The following HERC3 variants were observed in gnomAD, a reference collection of about 807,000 sequenced individuals.
HERC3 encodes the protein HECT and RLD domain containing E3 ubiquitin protein ligase 3.
A neutral mutation model predicts 129.9 loss-of-function variants in HERC3; 58 were observed. The observed-to-expected ratio is 0.45, with a 90% CI of 0.36 to 0.56. The LOEUF (loss-of-function observed/expected upper bound fraction) is 0.56. HERC3 is among the 20% of genes least tolerant of loss of function. HERC3 has a pLI of 0.00. For missense variants in HERC3, 835 were observed against 1,244.2 expected (o/e 0.67, Z 4.95); for synonymous variants, 430 against 451.0 (o/e 0.95, Z 0.59).
the HERC3 span, among the ~76,000 whole-genome samples, chr4:88,547,764 A>G: frequency 3.3e-5 from 5 of 152,106 alleles, no homozygotes; most frequent in Non-Finnish European, 7.4e-5. Flanking sequence ...CAAGCCATTC[A>G]TGTGCCTCAG....
intron 3 of HERC3, among the ~76,000 whole-genome samples, chr4:88,630,425 C>T (rs1038067745): frequency 3.3e-5 from 5 of 152,158 alleles, no homozygotes; most frequent in Admixed American, 3.3e-4. Flanking sequence ...ATTTTATAGT[C>T]AACAAGTGTT....
At chr4:88,639,309 G>C (rs1727807395) in intron 3 of HERC3, among the ~76,000 whole-genome samples, 1 of 152,126 alleles carries the variant, frequency 6.6e-6, no homozygotes. Context: ...AAAGAACAAA[G>C]CTGGAAGCAT....
the HERC3 span, among the ~76,000 whole-genome samples, chr4:88,531,855 T>C: frequency 6.6e-6 from 1 of 152,192 alleles, no homozygotes; most frequent in Non-Finnish European, 1.5e-5. Context: ...CAGTGTCTTC[T>C]TAGCACAGGG....
intron 2 of HERC3, among the ~76,000 whole-genome samples, chr4:88,605,095 G>A (rs28657836): frequency 6.6e-6 from 1 of 152,148 alleles, no homozygotes; most frequent in East Asian, 1.9e-4. Flanking sequence ...ATTAAAATCT[G>A]TTTGGGGAGT....
chr4:88,582,810 C>T, the HERC3 span, among the ~76,000 whole-genome samples: 4 of 152,194 alleles, frequency 2.6e-5, no homozygotes, highest in Non-Finnish European at 4.4e-5. Context: ...GAAACTTTGT[C>T]CCAGGCTACT....
At chr4:88,695,655 CTT>C (rs1032123394) in intron 23 of HERC3, among the ~76,000 whole-genome samples, 4 of 152,144 alleles carry the variant, frequency 2.6e-5, no homozygotes, top group Non-Finnish European at 4.4e-5. Flanking sequence ...CAATCACTGT[CTT>C]TATCTTTCAT....
chr4:88,705,295 A>T (rs1735686680), intron 25 of HERC3, among the ~76,000 whole-genome samples: 1 of 152,264 alleles, frequency 6.6e-6, no homozygotes, highest in Admixed American at 6.5e-5. Context: ...ATTACAAAGT[A>T]TCCAGATGGA....
At chr4:88,682,800 T>C (rs1560759297) in intron 21 of HERC3, among the ~76,000 whole-genome samples, 1 of 152,112 alleles carries the variant, frequency 6.6e-6, no homozygotes, top group Non-Finnish European at 1.5e-5. Flanking sequence ...CATGTGTCTT[T>C]ATAGCAGCAT....
the HERC3 span, among the ~76,000 whole-genome samples, chr4:88,550,042 G>A: frequency 2.0e-5 from 3 of 152,296 alleles, no homozygotes; most frequent in South Asian, 2.1e-4. Context: ...CTTATAAGGG[G>A]ATAGTGAAAC....
At chr4:88,549,708 T>C in the HERC3 span, among the ~76,000 whole-genome samples, 1 of 150,428 alleles carries the variant, frequency 6.6e-6, no homozygotes, top group African/African-American at 2.5e-5. Flanking sequence ...TTTTTCTTTT[T>C]CTTTTTTTTC....
intron 3 of HERC3, among the ~76,000 whole-genome samples, chr4:88,630,192 C>T (rs571081680): frequency 2.0e-5 from 3 of 152,234 alleles, no homozygotes; most frequent in Non-Finnish European, 2.9e-5. Flanking sequence ...ATATTGTACC[C>T]TTGGAAAATG....
chr4:88,657,861 T>G lies in HERC3; in HGVS notation c.1070-554T>G, dbSNP rs905924001. On this transcript the variant is annotated intron_variant, in intron 9 of 25. Transcript: ENST00000402738. ...AAGCACATTCAGGTTGTGCTCTCGGTGGGCACATTCATGGAGAATCCCATG... is the reference window on the plus strand; with the variant it reads ...AAGCACATTCAGGTTGTGCTCTCGGGGGGCACATTCATGGAGAATCCCATG... Among the ~76,000 whole-genome samples, 13 of 151,980 alleles carry G rather than the reference T, an allele frequency of 8.6e-5. 2 individuals are homozygous for G. The highest frequency in any genetic ancestry group is 8.5e-4 in the Admixed American group (13 of 15,266).
chr4:88,600,793 T>C (rs955071449), intron 2 of HERC3, among the ~76,000 whole-genome samples: 3 of 152,084 alleles, frequency 2.0e-5, no homozygotes, highest in Non-Finnish European at 4.4e-5. Flanking sequence ...CTATAACTCA[T>C]GCATGAAAGA....
At chr4:88,662,361 G>T in intron 10 of HERC3, 70 bp from the exon 11 acceptor site, 1 of 1,435,538 alleles carries the variant, frequency 7.0e-7, no homozygotes, top group Non-Finnish European at 9.6e-7. Context: ...AGAATATGTG[G>T]GAGAAAGGAG....
In HERC3 at chr4:88,686,762, C is replaced by A; in HGVS notation, c.2534C>A (p.Pro845His). 1 of 1,611,870 alleles carries A rather than the reference C, an allele frequency of 6.2e-7. No homozygotes were observed. The highest frequency in any genetic ancestry group is 1.1e-5 in the South Asian group (1 of 91,020). Residue 845 changes from proline (P) to histidine (H), a missense_variant, in exon 22 of 26, where the codon CCC (proline) becomes CAC (histidine). Coordinates refer to ENST00000402738, the MANE Select transcript of HERC3 (RefSeq NM_014606.3). The part of the protein sequence containing the change: ...GRSLQELLDY[P>H]GEDVEETFCL... ...AGTCTCCAAGAGCTTTTAGATTACC[C>A]CGGGGAGGATGTGGAGGAGACTTTC...
At chr4:88,695,497 A>C (rs1734513773) in intron 23 of HERC3, among the ~76,000 whole-genome samples, 1 of 152,208 alleles carries the variant, frequency 6.6e-6, no homozygotes, top group South Asian at 2.1e-4. Context: ...TATATTGAGG[A>C]AACCAAAACA....
At position 88,605,947 on chromosome 4, in the gene HERC3, G is replaced by T. The variant is rs773829453; in HGVS notation, c.124G>T (p.Gly42Trp). The change falls in exon 3 of 26, where the codon GGG becomes TGG. Residue 42 changes from glycine (G) to tryptophan (W), a missense_variant. By Grantham distance (184) the Gly-to-Trp change is radical. Coordinates refer to ENST00000402738, the MANE Select transcript of HERC3 (RefSeq NM_014606.3). ...CAGAAGTGTCAAGGAAGTGGCCTGT[G>T]GGGGAAACCACTCTGTGTTCCTGCT... ...SDRSVKEVAC[G>W]GNHSVFLLED... The T allele has an allele frequency of 1.2e-6, 2 of 1,614,108 alleles. No homozygotes were observed. The highest frequency in any genetic ancestry group is 1.7e-5 in the Admixed American group (1 of 60,014).
chr4:88,646,543 T>C (rs1236913742), intron 3 of HERC3, among the ~76,000 whole-genome samples: 1 of 152,188 alleles, frequency 6.6e-6, no homozygotes, highest in Non-Finnish European at 1.5e-5. Context: ...CTTCAGTGTG[T>C]TTAGTTATTT....
At chr4:88,548,664 CTTT>C in the HERC3 span, among the ~76,000 whole-genome samples, 2 of 139,782 alleles carry the variant, frequency 1.4e-5, no homozygotes, top group Non-Finnish European at 1.6e-5. Flanking sequence ...GTCATCTTTT[CTTT>C]TTTTTTTTTT....
Sources: allele counts gnomAD v4.1 joint callset (sites outside exome capture counted in the v4.1 genomes callset), GRCh38; gene constraint gnomAD v4.1.1; transcripts MANE v1.5; gene names NCBI Gene and HGNC (gene_info 2026-07-23, HGNC 2026-07-21).